KIF1A: variants seen among roughly 807,000 people sequenced by gnomAD.
KIF1A encodes kinesin family member 1A.
A neutral mutation model predicts 227.3 loss-of-function variants in KIF1A; 46 were observed. The ratio of observed to expected loss-of-function variants is 0.20; its 90% confidence interval spans 0.16 to 0.26. KIF1A has a LOEUF of 0.26. Ranked by LOEUF, KIF1A falls within the 10% of genes least tolerant of loss-of-function variation. KIF1A has a pLI of 1.00. For synonymous variants in KIF1A, 1,022 were observed against 1,012.8 expected, an observed-to-expected ratio of 1.01 and a Z score of -0.17; for missense variants, 1,683 against 2,485.9, an observed-to-expected ratio of 0.68 and a Z score of 6.87.
At chr2:240,720,725 C>T (rs1017370046) in intron 45 of KIF1A, 189 bp downstream of exon 45, 30 of 562,830 alleles carry the variant, frequency 5.3e-5, no homozygotes, top group African/African-American at 4.7e-4. Flanking sequence ...ATGGAGCTGG[C>T]GGGGCACAGG....
Position 240,714,984 on chromosome 2 carries a change from G to C in KIF1A, c.*2380C>G, listed in dbSNP as rs2044473977. 6.6e-6 allele frequency: 1 copy of C among 152,278 alleles called. No individual in the cohort carries two copies. The highest frequency in any genetic ancestry group is 6.5e-5 in the Admixed American group (1 of 15,288). 9.4% of individuals were successfully genotyped at this position (152,278 alleles called of 1,614,324 possible). On this transcript the variant is annotated 3_prime_UTR_variant, in exon 49 of 49. Coordinates refer to ENST00000498729, the MANE Select transcript of KIF1A (RefSeq NM_001244008.2). ...CACGCCGCGAGTGCTCTGCAGGTTG[G>C]CTGGCCTCAGACACCTGCGACCTGG...
chr2:240,804,253 G>A (rs1052650234), intron 1 of KIF1A, among the ~76,000 whole-genome samples: 1 of 152,194 alleles, frequency 6.6e-6, no homozygotes, highest in Non-Finnish European at 1.5e-5. Context: ...GTGACAGAGC[G>A]AGACTCCGTC....
chr2:240,773,147 G>A lies in KIF1A; in HGVS notation c.1147C>T (p.Leu383=). 6.2e-7 allele frequency: 1 copy of A among 1,613,880 alleles called. No homozygotes were observed. ...ATGTCGCCAAGACCCTGGGCGTACA[G>A]AAGGTCCCGCAGCCGGGTCACCTCA... The part of the protein sequence containing the change: ...KDEVTRLRDL[L]YAQGLGDITD... The change falls in exon 13 of 49, where the codon CTG becomes TTG. Residue 383 remains leucine, a synonymous_variant. Coordinates refer to ENST00000498729, the MANE Select transcript of KIF1A (RefSeq NM_001244008.2).
intron 43 of KIF1A, 75 bp from the exon 44 acceptor site, chr2:240,721,959 T>C (rs919613413): frequency 8.1e-7 from 1 of 1,227,746 alleles, no homozygotes; most frequent in African/African-American, 1.5e-5. Flanking sequence ...CAGGCTCTTC[T>C]ACCCACCCCT....
Position 240,737,079 on chromosome 2 carries a change from G to A in KIF1A, c.3991C>T (p.Pro1331Ser). The A allele has an allele frequency of 1.9e-6, 3 of 1,613,082 alleles. No individual in the cohort carries two copies. Among genetic ancestry groups the A allele is most frequent in the Non-Finnish European group, 2.5e-6 (3 of 1,179,126 alleles). Residue 1331 changes from proline to serine, a missense_variant, in exon 38 of 49, where the codon CCA (proline) becomes TCA (serine). Physicochemically the swap from Pro to Ser is moderately conservative, Grantham distance 74. Transcript: ENST00000498729. ...LNILSSGYIH[P>S]AQDDRTFYQF... ...CCGACTCACCGGTCATCTTGGGCTG[G>A]GTGGATGTATCCGGAAGAGAGGATG...
At chr2:240,798,227 C>G (rs2056618544) in intron 1 of KIF1A, among the ~76,000 whole-genome samples, 2 of 152,218 alleles carry the variant, frequency 1.3e-5, no homozygotes, top group African/African-American at 2.4e-5. Flanking sequence ...CGCTTTAAAA[C>G]AGAACAGTGT....
At chr2:240,779,263 T>C (rs1313372637) in intron 10 of KIF1A, among the ~76,000 whole-genome samples, 5 of 117,082 alleles carry the variant, frequency 4.3e-5, no homozygotes, top group Non-Finnish European at 7.3e-5. Flanking sequence ...CACACTCAGT[T>C]CCTCACTCAC....
rs2047369499 is a variant in KIF1A, at chr2:240,736,777, G to C, written c.4007+286C>G. Among the ~76,000 whole-genome samples the C allele has an allele frequency of 6.6e-6, 1 of 152,202 alleles. No individual in the cohort carries two copies. Among genetic ancestry groups the C allele is most frequent in the African/African-American group, 2.4e-5 (1 of 41,446 alleles). On this transcript the variant is annotated intron_variant, in intron 38 of 48. Coordinates refer to ENST00000498729, the MANE Select transcript of KIF1A (RefSeq NM_001244008.2). This position sits in a 1 kb window ranked among gnomAD's most constrained non-coding sequence, Gnocchi z 4.7. ...CACCACGCAACCACAAAACTCCCGA[G>C]GACAGAACTCAGCTCATCTTCCAAC...
At chr2:240,787,919 C>T in intron 4 of KIF1A, 132 bp downstream of exon 4, 2 of 830,638 alleles carry the variant, frequency 2.4e-6, no homozygotes, top group South Asian at 3.5e-5. Flanking sequence ...CACTCTTGAC[C>T]CAGCTGGCCT....
intron 1 of KIF1A, among the ~76,000 whole-genome samples, chr2:240,806,666 T>C (rs1395086968): frequency 6.6e-6 from 1 of 152,104 alleles, no homozygotes; most frequent in Admixed American, 6.5e-5. Flanking sequence ...CTCTAAAAAC[T>C]AAAAATCATG....
rs1399393645 is a variant in KIF1A at position 240,725,146 on chromosome 2, T to G, written c.4256+125A>C. ...CTGAGCGCAGGGAGCCAGCCAGGAGTGTGGCTGGGCCTCGCACAGGGTGAG... is the reference window on the plus strand; with the variant it reads ...CTGAGCGCAGGGAGCCAGCCAGGAGGGTGGCTGGGCCTCGCACAGGGTGAG... On this transcript the variant is annotated intron_variant, in intron 40 of 48. Coordinates refer to ENST00000498729, the MANE Select transcript of KIF1A (RefSeq NM_001244008.2). This position sits in a 1 kb window ranked among gnomAD's most constrained non-coding sequence, Gnocchi z 5.8. 8 of 958,710 alleles carry G rather than the reference T, an allele frequency of 8.3e-6. No individual in the cohort carries two copies. Among genetic ancestry groups the G allele is most frequent in the African/African-American group, 3.4e-5 (2 of 58,326 alleles). The allele number at this position is 958,710 out of a possible 1,614,324, so 59.4% of individuals were successfully genotyped here.
intron 42 of KIF1A, 118 bp downstream of exon 42, chr2:240,723,295 C>A: frequency 9.8e-7 from 1 of 1,022,740 alleles, no homozygotes; most frequent in Admixed American, 2.9e-5. Flanking sequence ...CTGTGACTCC[C>A]AAGCAGCTGT....
At chr2:240,784,338 T>C (rs1301232251) in intron 7 of KIF1A, among the ~76,000 whole-genome samples, 1 of 151,982 alleles carries the variant, frequency 6.6e-6, no homozygotes, top group African/African-American at 2.4e-5. Context: ...GAGCCATAGC[T>C]ACAGGGCAGG....
intron 25 of KIF1A, among the ~76,000 whole-genome samples, chr2:240,759,754 G>A (rs375024041): frequency 2.6e-5 from 4 of 152,244 alleles, no homozygotes; most frequent in Admixed American, 1.3e-4. Flanking sequence ...CACCTATAAC[G>A]CTAGTACTTT....
rs745556410 is a variant in KIF1A, at chr2:240,745,826, G to A, written c.3286C>T (p.Arg1096Cys). The A allele has an allele frequency of 5.8e-5, 93 of 1,612,778 alleles. No individual in the cohort carries two copies. The highest frequency in any genetic ancestry group is 6.6e-5 in the South Asian group (6 of 90,882). The change falls in exon 31 of 49, where the codon CGC becomes TGC. Residue 1096 changes from arginine to cysteine, a missense_variant. Arg to Cys is a radical substitution (Grantham distance 180). Coordinates refer to ENST00000498729, the MANE Select transcript of KIF1A (RefSeq NM_001244008.2). ...CGGAAGGTGAAGGTGTTGCCCAGGCGGAGGTGGTCCAGGGCAGCATCCAGG... is the reference window on the plus strand; with the variant it reads ...CGGAAGGTGAAGGTGTTGCCCAGGCAGAGGTGGTCCAGGGCAGCATCCAGG... ...GPLDAALDHL[R>C]LGNTFTFRVT... is the part of the protein sequence containing the mutation.
rs928622713 is a variant in KIF1A at position 240,778,865 on chromosome 2, C to A, written c.883-2939G>T. Among the ~76,000 whole-genome samples, 6 of 152,110 alleles carry A rather than the reference C, an allele frequency of 3.9e-5. No individual in the cohort carries two copies. The highest frequency in any genetic ancestry group is 8.8e-5 in the Non-Finnish European group (6 of 68,022). On this transcript the variant is annotated intron_variant, in intron 10 of 48. Transcript: ENST00000498729. The surrounding 1 kb of genome is among the most constrained non-coding windows in gnomAD (Gnocchi z 7.2). ...ACTTCCTCACACGTTCCTCACACAA[C>A]CCTTCACGCCATCCCCAATGCGGGT...
chr2:240,717,239 C>T lies in KIF1A; in HGVS notation c.*125G>A, dbSNP rs540308680. The T allele has an allele frequency of 3.3e-5, 30 of 906,354 alleles. No individual in the cohort carries two copies. The highest frequency in any genetic ancestry group is 2.7e-4 in the East Asian group (11 of 40,176). 56.1% of individuals were successfully genotyped at this position (906,354 alleles called of 1,614,324 possible). A position where few individuals can be genotyped will look rare whatever the true frequency, so the allele number is the denominator to read the frequency against. On this transcript the variant is annotated 3_prime_UTR_variant, in exon 49 of 49. Transcript: ENST00000498729. ...GGTCCCCGGGCCTGGCATGGGCGTC[C>T]CCTGGGGGGTCGACCCGGTCGTGGG...
Position 240,716,345 on chromosome 2 carries a change from T to C in KIF1A, c.*1019A>G, listed in dbSNP as rs553422427. 22 of 152,418 alleles carry C rather than the reference T, an allele frequency of 1.4e-4. No individual in the cohort carries two copies. Among genetic ancestry groups the C allele is most frequent in the African/African-American group, 5.3e-4 (22 of 41,552 alleles). The allele number at this position is 152,418 out of a possible 1,614,324, so 9.4% of individuals were successfully genotyped here. On this transcript the variant is annotated 3_prime_UTR_variant, in exon 49 of 49. Coordinates refer to ENST00000498729, the MANE Select transcript of KIF1A (RefSeq NM_001244008.2). ...CATTTCTCGCCGCAGCTGAAGAGGC[T>C]GCGCCACAGCCCTCGACACCTAGAC... is the stretch of plus-strand genomic sequence containing the variant.
At chr2:240,721,339 G>A (rs951727358) in intron 44 of KIF1A, among the ~76,000 whole-genome samples, 5 of 152,264 alleles carry the variant, frequency 3.3e-5, no homozygotes, top group East Asian at 1.9e-4. Flanking sequence ...CCATGCCAGC[G>A]TGAGGTGGCG....
Sources: allele counts gnomAD v4.1 joint callset (sites outside exome capture counted in the v4.1 genomes callset), GRCh38; gene constraint gnomAD v4.1.1; non-coding constraint Gnocchi (gnomAD v3.1); transcripts MANE v1.5; gene names NCBI Gene and HGNC (gene_info 2026-07-23, HGNC 2026-07-21).